CHLSN: variants seen among roughly 807,000 people sequenced by gnomAD.
The protein encoded by CHLSN is cholesin.
At chr7:1,050,851 AC>A in the CHLSN span, among the ~76,000 whole-genome samples, 1 of 152,142 alleles carries the variant, frequency 6.6e-6, no homozygotes, top group Non-Finnish European at 1.5e-5. Context: ...GGGACCAGGA[AC>A]CCAGAAGGCT....
At chr7:1,002,194 G>T in the CHLSN span, among the ~76,000 whole-genome samples, 1 of 108,326 alleles carries the variant, frequency 9.2e-6, no homozygotes, top group South Asian at 3.7e-4. Context: ...CCTGTGGGTG[G>T]GGAGTCCTGT....
the CHLSN span, among the ~76,000 whole-genome samples, chr7:1,085,624 G>C: frequency 2.4e-4 from 36 of 151,806 alleles, no homozygotes; most frequent in Non-Finnish European, 4.3e-4. Flanking sequence ...CTTGAGCCCA[G>C]GAGTTCAAGA....
chr7:993,063 G>A, the CHLSN span, among the ~76,000 whole-genome samples: 1 of 152,204 alleles, frequency 6.6e-6, no homozygotes, highest in African/African-American at 2.4e-5. Context: ...GAGGCTTGGA[G>A]GAGTCTGTAG....
At chr7:1,055,325 G>A in the CHLSN span, 94 of 471,148 alleles carry the variant, frequency 2.0e-4, no homozygotes, top group South Asian at 1.3e-3. Context: ...ACGCGCAGGC[G>A]GCCAGGCGCG....
chr7:991,734 C>T, the CHLSN span, among the ~76,000 whole-genome samples: 1 of 152,214 alleles, frequency 6.6e-6, no homozygotes, highest in Non-Finnish European at 1.5e-5. Context: ...GAAAATTCAC[C>T]ATCAGCCATG....
the CHLSN span, among the ~76,000 whole-genome samples, chr7:1,063,399 G>A: frequency 3.9e-5 from 6 of 152,190 alleles, no homozygotes; most frequent in East Asian, 1.9e-4. Context: ...CCTGAGAAAC[G>A]GGCTCCCTGT....
At chr7:1,106,430 AC>A in the CHLSN span, among the ~76,000 whole-genome samples, 1 of 152,184 alleles carries the variant, frequency 6.6e-6, no homozygotes, top group Admixed American at 6.5e-5. Flanking sequence ...AGAGGCCAGG[AC>A]AGCGTGGCAG....
chr7:1,130,233 G>A, the CHLSN span, among the ~76,000 whole-genome samples: 792 of 152,364 alleles, frequency 5.2e-3, 4 homozygotes, highest in Middle Eastern at 0.01. Flanking sequence ...GGCAGAACCC[G>A]TGTCCTTTGT....
chr7:1,097,124 C>T, the CHLSN span, among the ~76,000 whole-genome samples: 768 of 152,340 alleles, frequency 5.0e-3, 4 homozygotes, highest in African/African-American at 0.017. The surrounding 1 kb of genome is among the most constrained non-coding windows in gnomAD (Gnocchi z 4.3). Context: ...AAGCAGCACA[C>T]AGACTACGCG....
chr7:1,133,154 C>T, the CHLSN span, among the ~76,000 whole-genome samples: 3 of 152,090 alleles, frequency 2.0e-5, 1 homozygote, highest in Non-Finnish European at 4.4e-5. Context: ...ACCCAGAAGA[C>T]ACTGTGCCGG....
At chr7:988,678 C>G in the CHLSN span, 1 of 1,600,652 alleles carries the variant, frequency 6.2e-7, no homozygotes, top group Non-Finnish European at 8.5e-7. Context: ...GGACCGAGCT[C>G]TTCCTGCTGT....
At chr7:1,001,890 T>G in the CHLSN span, among the ~76,000 whole-genome samples, 1 of 25,270 alleles carries the variant, frequency 4.0e-5, no homozygotes, top group Non-Finnish European at 7.0e-5. Flanking sequence ...TGTGGGTGAG[T>G]GGAGTCCTGT....
At chr7:1,029,595 C>G in the CHLSN span, among the ~76,000 whole-genome samples, 2 of 152,224 alleles carry the variant, frequency 1.3e-5, no homozygotes, top group Non-Finnish European at 2.9e-5. Flanking sequence ...TGCGAGGGAG[C>G]CGCACTGGCC....
the CHLSN span, among the ~76,000 whole-genome samples, chr7:1,090,333 C>T: frequency 2.6e-5 from 4 of 152,364 alleles, no homozygotes; most frequent in Admixed American, 2.0e-4. Flanking sequence ...GCTGAGACCC[C>T]CGTGGCCCGC....
At chr7:1,044,201 TG>T in the CHLSN span, among the ~76,000 whole-genome samples, 2 of 152,198 alleles carry the variant, frequency 1.3e-5, no homozygotes, top group African/African-American at 4.8e-5. Context: ...TGGAGGGCGG[TG>T]GGGCCTGCAC....
At chr7:1,076,397 C>T in the CHLSN span, among the ~76,000 whole-genome samples, 1 of 152,164 alleles carries the variant, frequency 6.6e-6, no homozygotes, top group Non-Finnish European at 1.5e-5. Flanking sequence ...GCATGCTGCT[C>T]CGCAGGAGGC....
At chr7:1,029,781 G>C in the CHLSN span, among the ~76,000 whole-genome samples, 2 of 152,204 alleles carry the variant, frequency 1.3e-5, no homozygotes, top group Non-Finnish European at 2.9e-5. Flanking sequence ...GCTGAATAAG[G>C]ATCTGCAAGG....
the CHLSN span, among the ~76,000 whole-genome samples, chr7:1,135,080 A>G: frequency 6.6e-6 from 1 of 152,110 alleles, no homozygotes; most frequent in African/African-American, 2.4e-5. Context: ...CTCTCTTGAC[A>G]GGCATTTTTC....
chr7:1,090,115 A>G, the CHLSN span, among the ~76,000 whole-genome samples: 1 of 152,192 alleles, frequency 6.6e-6, no homozygotes, highest in Non-Finnish European at 1.5e-5. Flanking sequence ...TTCAAAAGGT[A>G]AAATGAAAAT....
Sources: allele counts gnomAD v4.1 joint callset (sites outside exome capture counted in the v4.1 genomes callset), GRCh38; gene constraint gnomAD v4.1.1; non-coding constraint Gnocchi (gnomAD v3.1); transcripts MANE v1.5; gene names NCBI Gene and HGNC (gene_info 2026-07-23, HGNC 2026-07-21).